STPG2: variants seen among roughly 807,000 people sequenced by gnomAD.
STPG2 encodes sperm tail PG-rich repeat containing 2, also known as sperm-tail PG-rich repeat-containing protein 2.
STPG2 carries 56 observed loss-of-function variants against 54.2 expected under a neutral mutation model. That is an observed-to-expected ratio of 1.03 (90% CI 0.83 to 1.29). The LOEUF is 1.29. Among genes scored for constraint, STPG2 ranks in the 50% most tolerant of loss-of-function variants. The probability of loss-of-function intolerance (pLI) is 0.00; values close to 1 mark genes in which losing one functional copy is unlikely to be tolerated. For synonymous variants in STPG2, 200 were observed against 181.8 expected (o/e 1.10, Z -0.81); for missense variants, 596 against 544.9 (o/e 1.09, Z -0.93).
chr4:98,115,289 C>G (rs1421129777), intron 3 of STPG2, among the ~76,000 whole-genome samples: 1 of 151,888 alleles, frequency 6.6e-6, no homozygotes, highest in East Asian at 1.9e-4. Flanking sequence ...AGGTAGTTCC[C>G]AGCATGTTAT....
intron 5 of STPG2, among the ~76,000 whole-genome samples, chr4:98,047,671 C>T (rs35865860): frequency 0.39 from 59,928 of 151,858 alleles, 12,056 homozygotes; most frequent in Middle Eastern, 0.46. Flanking sequence ...GCACTCAATA[C>T]GTGAACAAAC....
At chr4:97,822,387 C>A (rs978936894) in intron 9 of STPG2, among the ~76,000 whole-genome samples, 1 of 152,210 alleles carries the variant, frequency 6.6e-6, no homozygotes, top group African/African-American at 2.4e-5. Flanking sequence ...AAGTTCCAAA[C>A]TTTTCCTCAT....
intron 9 of STPG2, among the ~76,000 whole-genome samples, chr4:97,831,489 A>T (rs1315493787): frequency 6.6e-6 from 1 of 152,152 alleles, no homozygotes; most frequent in Non-Finnish European, 1.5e-5. Flanking sequence ...AAACAAATTC[A>T]AGAGCTAGCA....
chr4:97,702,173 C>T (rs975347619), intron 10 of STPG2, among the ~76,000 whole-genome samples: 1 of 152,180 alleles, frequency 6.6e-6, no homozygotes, highest in Non-Finnish European at 1.5e-5. Flanking sequence ...AGCTCACTTA[C>T]AGTGGGCCAT....
rs966756029 is a variant in STPG2 at position 97,542,683 on chromosome 4, T to C, written c.462+170016A>G. Among the ~76,000 whole-genome samples, 35 of 152,050 alleles carry C rather than the reference T, an allele frequency of 2.3e-4. 1 individual carries two copies. Among genetic ancestry groups the C allele is most frequent in the African/African-American group, 8.2e-4 (34 of 41,518 alleles). ...GACACATGCACACGTATGTTTATTG[T>C]GGCACTACTCACAATAGCAAATACT... On this transcript the variant is annotated intron_variant, in intron 4 of 4. Transcript: ENST00000522676.
At chr4:97,808,118 C>T (rs1727626599) in intron 9 of STPG2, among the ~76,000 whole-genome samples, 1 of 151,842 alleles carries the variant, frequency 6.6e-6, no homozygotes, top group Non-Finnish European at 1.5e-5. Flanking sequence ...CAGAACCATA[C>T]TAAAAGACTA....
At chr4:97,509,231 C>CA (rs1023778722) in intron 4 of STPG2, among the ~76,000 whole-genome samples, 2 of 147,026 alleles carry the variant, frequency 1.4e-5, no homozygotes, top group Non-Finnish European at 3.0e-5. Context: ...AAGAATTTGA[C>CA]TTTTTTTTTT....
chr4:97,814,887 A>G (rs1170555356), intron 9 of STPG2, among the ~76,000 whole-genome samples: 1 of 152,058 alleles, frequency 6.6e-6, no homozygotes, highest in Non-Finnish European at 1.5e-5. Context: ...CAGAGAGCCT[A>G]TTGTGGGACC....
In STPG2 at chr4:97,904,629, GAAGA is replaced by G. The variant is rs199497913; in HGVS notation, c.1044+39264_1044+39267del. On this transcript the variant is annotated intron_variant, in intron 8 of 10. Coordinates refer to ENST00000295268, the MANE Select transcript of STPG2 (RefSeq NM_174952.3). Reference sequence around the variant, plus strand: ...AGAGAATGACTTTGACGAGCTGATAGAAGAAGGATTCAGATAATCAAATTACTCC... The same window carrying G: ...AGAGAATGACTTTGACGAGCTGATAGAGGATTCAGATAATCAAATTACTCC... 3.7e-3 allele frequency among the ~76,000 whole-genome samples: 570 copies of G among 152,330 alleles called. 1 individual carries two copies. The highest frequency in any genetic ancestry group is 0.013 in the African/African-American group (540 of 41,580).
intron 5 of STPG2, among the ~76,000 whole-genome samples, chr4:98,013,619 G>C (rs1269838668): frequency 8.2e-6 from 1 of 122,484 alleles, no homozygotes; most frequent in Non-Finnish European, 1.6e-5. Context: ...TGGTTAGTAG[G>C]CTATTAATTA....
intron 10 of STPG2, among the ~76,000 whole-genome samples, chr4:97,686,952 T>TGA (rs879693888): frequency 0.47 from 69,527 of 147,888 alleles, 17,359 homozygotes; most frequent in South Asian, 0.64. Flanking sequence ...TTTTTTTTTT[T>TGA]GAGAGAGAGA....
intron 5 of STPG2, among the ~76,000 whole-genome samples, chr4:98,050,411 G>T (rs1054487801): frequency 2.6e-5 from 4 of 151,904 alleles, no homozygotes; most frequent in African/African-American, 9.7e-5. Flanking sequence ...CCACTTTTGT[G>T]TTTGTTTTGC....
At chr4:98,098,856 A>G (rs1738939105) in intron 5 of STPG2, among the ~76,000 whole-genome samples, 1 of 152,220 alleles carries the variant, frequency 6.6e-6, no homozygotes, top group South Asian at 2.1e-4. Flanking sequence ...AATGGCAACA[A>G]GCCTATGAAA....
chr4:97,647,868 C>CA (rs1721954202), intron 10 of STPG2, among the ~76,000 whole-genome samples: 1 of 152,124 alleles, frequency 6.6e-6, no homozygotes, highest in African/African-American at 2.4e-5. Context: ...AGCAGGCTGG[C>CA]AGGGGCCAGT....
At position 98,033,605 on chromosome 4, in the gene STPG2, A is replaced by T. The variant is rs1022106708; in HGVS notation, c.613-52287T>A. Among the ~76,000 whole-genome samples, 9 of 152,348 alleles carry T rather than the reference A, an allele frequency of 5.9e-5. 1 individual carries two copies. Among genetic ancestry groups the T allele is most frequent in the Admixed American group, 4.6e-4 (7 of 15,294 alleles). ...GGAATCCTTCCTAACTCATTTTATG[A>T]GGCCAGCATAATCCTCATACCAAAA... On this transcript the variant is annotated intron_variant, in intron 5 of 10. Transcript: ENST00000295268.
intron 7 of STPG2, among the ~76,000 whole-genome samples, chr4:97,972,015 TC>T (rs1432297725): frequency 2.3e-4 from 35 of 152,188 alleles, no homozygotes; most frequent in Non-Finnish European, 5.1e-4. Flanking sequence ...ACCTTTCTGA[TC>T]ACCTTCCCAT....
intron 9 of STPG2, among the ~76,000 whole-genome samples, chr4:97,800,205 CT>C (rs1727340691): frequency 6.6e-6 from 1 of 152,234 alleles, no homozygotes; most frequent in Non-Finnish European, 1.5e-5. Flanking sequence ...CTCTGTCCAG[CT>C]TCGTTCCATT....
intron 9 of STPG2, among the ~76,000 whole-genome samples, chr4:97,785,232 A>C (rs1008070526): frequency 2.6e-5 from 4 of 152,022 alleles, no homozygotes; most frequent in African/African-American, 9.6e-5. Flanking sequence ...CATATATTTA[A>C]AAACTGTTCA....
chr4:97,975,634 G>A (rs1034562043), intron 6 of STPG2, among the ~76,000 whole-genome samples: 1 of 152,056 alleles, frequency 6.6e-6, no homozygotes. Flanking sequence ...ATATCCATCA[G>A]ACTCAATATG....
Sources: gnomAD v4.1 joint callset for allele counts (sites outside exome capture counted in the v4.1 genomes callset) on GRCh38, gnomAD v4.1.1 for gene constraint, MANE v1.5 for transcripts, NCBI Gene and HGNC (gene_info 2026-07-23, HGNC 2026-07-21) for gene names.